SERPINA9: variants seen among roughly 807,000 people sequenced by gnomAD.
The protein encoded by SERPINA9 is serpin family A member 9.
SERPINA9 carries 32 observed loss-of-function variants against 24.5 expected under a neutral mutation model. The observed-to-expected ratio is 1.30, with a 90% CI of 0.98 to 1.75. The LOEUF (loss-of-function observed/expected upper bound fraction) is 1.75. SERPINA9 is among the 40% of genes most tolerant of loss of function. The pLI is 0.00. For synonymous variants in SERPINA9, 233 were observed against 197.7 expected (o/e 1.18, Z -1.50); for missense variants, 594 against 497.1 (o/e 1.19, Z -1.85).
intron 1 of SERPINA9, among the ~76,000 whole-genome samples, chr14:94,475,400 A>G (rs1284078549): frequency 1.3e-5 from 2 of 150,520 alleles, no homozygotes; most frequent in Admixed American, 6.7e-5. Flanking sequence ...TGTGCTACAT[A>G]TGCATGTGTG....
At chr14:94,475,873 T>C (rs115977278) in intron 1 of SERPINA9, 2 of 519,630 alleles carry the variant, frequency 3.8e-6, no homozygotes, top group South Asian at 3.2e-5. Flanking sequence ...ACTCCTCCCC[T>C]TGTGGCCCAA....
At chr14:94,471,399 A>T (rs1899311655) in intron 1 of SERPINA9, among the ~76,000 whole-genome samples, 1 of 152,200 alleles carries the variant, frequency 6.6e-6, no homozygotes, top group African/African-American at 2.4e-5. Flanking sequence ...TCTATGTCAG[A>T]CCAAGCATAA....
chr14:94,469,260 A>T lies in SERPINA9; in HGVS notation c.581T>A (p.Leu194His). ...QGKVVDIIQGLDLLTAMVLVN... is the reference protein window; with the variant it reads ...QGKVVDIIQGHDLLTAMVLVN... ...CAGAACCATGGCCGTCAGAAGGTCA[A>T]GGCCTTGGATTATGTCTACAACCTT... Residue 194 changes from leucine (L) to histidine (H), a missense_variant, in exon 2 of 5, where the codon CTT becomes CAT. By Grantham distance (99) the Leu-to-His change is moderately conservative (BLOSUM62 -3). Coordinates refer to ENST00000674397, the MANE Select transcript of SERPINA9 (RefSeq NM_175739.4). The T allele has an allele frequency of 1.9e-6, 3 of 1,614,068 alleles. No individual in the cohort carries two copies. The highest frequency in any genetic ancestry group is 2.5e-6 in the Non-Finnish European group (3 of 1,180,016).
intron 1 of SERPINA9, among the ~76,000 whole-genome samples, chr14:94,474,968 G>C (rs1899511051): frequency 6.6e-6 from 1 of 152,154 alleles, no homozygotes; most frequent in African/African-American, 2.4e-5. Context: ...ACATTCAAGA[G>C]CTTTATTTAT....
At chr14:94,474,136 G>T (rs994055646) in intron 1 of SERPINA9, among the ~76,000 whole-genome samples, 7 of 152,250 alleles carry the variant, frequency 4.6e-5, no homozygotes, top group East Asian at 3.9e-4. Flanking sequence ...AGGGGAAGCG[G>T]GTGCTGCCAG....
At position 94,469,748 on chromosome 14, in the gene SERPINA9, G is replaced by A. The variant is rs1899218121; in HGVS notation, c.93C>T (p.Pro31=). ...VSPANAPSAY[P]RPSSTKSTPA... is the part of the protein sequence containing the mutation. ...GGGTGCTCTTTGTGGAGGAAGGGCG[G>A]GGGTATGCACTGGGGGCATTGGCCG... Residue 31 remains proline, a synonymous_variant, in exon 2 of 5, where the codon CCC becomes CCT. Transcript: ENST00000674397. 3 of 1,578,148 alleles carry A rather than the reference G, an allele frequency of 1.9e-6. No homozygotes were observed. Among genetic ancestry groups the A allele is most frequent in the African/African-American group, 1.3e-5 (1 of 74,388 alleles).
intron 2 of SERPINA9, among the ~76,000 whole-genome samples, 177 bp from the exon 3 acceptor site, chr14:94,467,559 G>C (rs972973461): frequency 1.2e-4 from 18 of 152,154 alleles, no homozygotes; most frequent in African/African-American, 4.3e-4. Flanking sequence ...ATACTAAAAA[G>C]CAATAAAATG....
intron 4 of SERPINA9, 34 bp from the exon 5 acceptor site, chr14:94,463,330 G>A (rs1037214928): frequency 6.3e-7 from 1 of 1,585,676 alleles, no homozygotes; most frequent in Non-Finnish European, 8.7e-7. Context: ...AGTGGCCCTA[G>A]TGGAGACACT....
chr14:94,475,869 C>G (rs370234113), intron 1 of SERPINA9: 3 of 518,148 alleles, frequency 5.8e-6, no homozygotes. Flanking sequence ...CAATACTCCT[C>G]CCCTTGTGGC....
At chr14:94,469,096 C>T (rs1899160980) in intron 2 of SERPINA9, 117 bp downstream of exon 2, 2 of 871,292 alleles carry the variant, frequency 2.3e-6, no homozygotes, top group Non-Finnish European at 3.5e-6. Flanking sequence ...GAGCTCAGGC[C>T]CTCCCATTTC....
At chr14:94,475,247 T>G (rs551766139) in intron 1 of SERPINA9, among the ~76,000 whole-genome samples, 1 of 152,200 alleles carries the variant, frequency 6.6e-6, no homozygotes, top group Non-Finnish European at 1.5e-5. Context: ...TCGTCCACTG[T>G]GGGTTCCCAA....
At chr14:94,468,680 A>C (rs1048580735) in intron 2 of SERPINA9, among the ~76,000 whole-genome samples, 9 of 152,220 alleles carry the variant, frequency 5.9e-5, no homozygotes, top group African/African-American at 2.2e-4. Flanking sequence ...TGAAACTGTA[A>C]AGCTCTAACA....
chr14:94,464,895 A>T (rs866093549), intron 3 of SERPINA9, 41 bp from the exon 4 acceptor site: 1 of 1,567,822 alleles, frequency 6.4e-7, no homozygotes, highest in Middle Eastern at 1.7e-4. Flanking sequence ...TCACAAGCCC[A>T]TGGTGTCTGC....
At chr14:94,463,954 GT>G (rs1898865534) in intron 4 of SERPINA9, among the ~76,000 whole-genome samples, 2 of 152,182 alleles carry the variant, frequency 1.3e-5, no homozygotes, top group African/African-American at 4.8e-5. Flanking sequence ...GTCCCCTTCA[GT>G]GGCCCCAGGA....
intron 2 of SERPINA9, among the ~76,000 whole-genome samples, chr14:94,468,945 T>A (rs1446289954): frequency 6.6e-6 from 1 of 152,214 alleles, no homozygotes; most frequent in Non-Finnish European, 1.5e-5. Context: ...ATTTTTCCTG[T>A]GGGTTTCCCA....
chr14:94,475,868 T>C (rs1899609683), intron 1 of SERPINA9: 2 of 518,254 alleles, frequency 3.9e-6, no homozygotes, highest in Non-Finnish European at 3.4e-6. Flanking sequence ...TCAATACTCC[T>C]CCCCTTGTGG....
intron 2 of SERPINA9, 72 bp from the exon 3 acceptor site, chr14:94,467,454 G>A (rs1899064217): frequency 2.9e-6 from 4 of 1,380,156 alleles, no homozygotes; most frequent in South Asian, 2.8e-5. Flanking sequence ...AAACTGAAAT[G>A]GGGAATTACT....
chr14:94,468,221 G>T (rs1899112767), intron 2 of SERPINA9, among the ~76,000 whole-genome samples: 1 of 152,198 alleles, frequency 6.6e-6, no homozygotes, highest in Non-Finnish European at 1.5e-5. Flanking sequence ...TGGATGAACT[G>T]ATGGATGGAC....
intron 1 of SERPINA9, chr14:94,475,914 G>T: frequency 1.7e-6 from 1 of 598,342 alleles, no homozygotes; most frequent in Non-Finnish European, 2.9e-6. Context: ...CATGGTCTCT[G>T]TGGCCTTACC....
Sources: gnomAD v4.1 joint callset for allele counts (sites outside exome capture counted in the v4.1 genomes callset) on GRCh38, gnomAD v4.1.1 for gene constraint, MANE v1.5 for transcripts, NCBI Gene and HGNC (gene_info 2026-07-23, HGNC 2026-07-21) for gene names.